Variants in PCLO observed in about 807,000 individuals in gnomAD.
PCLO encodes the protein piccolo presynaptic cytomatrix protein.
A neutral mutation model predicts 427.5 loss-of-function variants in PCLO; 82 were observed. That is an observed-to-expected ratio of 0.19 (90% CI 0.16 to 0.23). PCLO has a LOEUF of 0.23. Ranked by LOEUF, PCLO falls within the 10% of genes least tolerant of loss-of-function variation. The pLI is 1.00. For missense variants in PCLO, 6,239 were observed against 6,115.9 expected (o/e 1.02, Z -0.67); for synonymous variants, 2,357 against 2,155.4 (o/e 1.09, Z -2.59).
chr7:83,002,466 G>A (rs1787847207), intron 3 of PCLO, among the ~76,000 whole-genome samples: 2 of 151,680 alleles, frequency 1.3e-5, no homozygotes, highest in Non-Finnish European at 2.9e-5. Flanking sequence ...TGTATATTCT[G>A]TAGTTGACAA....
chr7:82,957,420 A>C, intron 4 of PCLO, among the ~76,000 whole-genome samples: 1 of 152,234 alleles, frequency 6.6e-6, no homozygotes, highest in Admixed American at 6.5e-5. Context: ...ACTAAACAAA[A>C]AAAAAGCAAA....
At chr7:82,821,829 T>C (rs1240538118) in intron 20 of PCLO, 1 of 981,748 alleles carries the variant, frequency 1.0e-6, no homozygotes, top group African/African-American at 1.7e-5. Flanking sequence ...CTTATACATA[T>C]ATTAATTTAA....
At chr7:83,047,782 C>G (rs1583954504) in intron 3 of PCLO, among the ~76,000 whole-genome samples, 1 of 152,122 alleles carries the variant, frequency 6.6e-6, no homozygotes, top group East Asian at 1.9e-4. Flanking sequence ...TAAATATTCT[C>G]AAAGTCACAT....
intron 3 of PCLO, among the ~76,000 whole-genome samples, chr7:83,130,787 T>C (rs375248630): frequency 7.9e-5 from 12 of 152,326 alleles, no homozygotes; most frequent in African/African-American, 2.6e-4. Flanking sequence ...GTTACATCAC[T>C]GGGTCTTATC....
chr7:83,124,900 G>A (rs200553490), intron 3 of PCLO, among the ~76,000 whole-genome samples: 7,451 of 152,150 alleles, frequency 0.049, 243 homozygotes, highest in East Asian at 0.077. Flanking sequence ...GATTGCAGGC[G>A]CACGCCGCCA....
chr7:83,043,923 T>TTTTTTTTTTTTTTTTC (rs1789038581), intron 3 of PCLO, among the ~76,000 whole-genome samples: 1 of 146,650 alleles, frequency 6.8e-6, no homozygotes, highest in African/African-American at 2.5e-5. Context: ...TTTTTTTTTT[T>TTTTTTTTTTTTTTTTC]TTTTTTTTTT....
intron 6 of PCLO, among the ~76,000 whole-genome samples, chr7:82,917,474 C>T (rs77685005): frequency 6.6e-6 from 1 of 151,934 alleles, no homozygotes; most frequent in South Asian, 2.1e-4. Context: ...ACCAATAAAA[C>T]TCCATTGGAA....
chr7:82,813,883 A>G (rs2115587058), intron 20 of PCLO, among the ~76,000 whole-genome samples: 1 of 151,900 alleles, frequency 6.6e-6, no homozygotes, highest in Admixed American at 6.6e-5. Flanking sequence ...GAAGCTTTCC[A>G]TTTTTCCTCA....
chr7:83,062,048 G>A (rs1789555576), intron 3 of PCLO, among the ~76,000 whole-genome samples: 1 of 152,144 alleles, frequency 6.6e-6, no homozygotes, highest in Non-Finnish European at 1.5e-5. Flanking sequence ...ATTGGTATAA[G>A]GTTAGTAGCA....
At chr7:82,857,745 C>G (rs1003456493) in intron 10 of PCLO, among the ~76,000 whole-genome samples, 1 of 152,134 alleles carries the variant, frequency 6.6e-6, no homozygotes, top group Middle Eastern at 3.4e-3. Flanking sequence ...AGAAATCTCT[C>G]AATCAAAATT....
chr7:83,141,099 A>C (rs2116636897), intron 2 of PCLO, among the ~76,000 whole-genome samples: 1 of 152,326 alleles, frequency 6.6e-6, no homozygotes, highest in East Asian at 1.9e-4. Flanking sequence ...AGGTTTCCTA[A>C]AGAACTTCCC....
chr7:82,943,199 G>A (rs903861075), intron 6 of PCLO, among the ~76,000 whole-genome samples: 3 of 152,126 alleles, frequency 2.0e-5, no homozygotes, highest in African/African-American at 7.2e-5. Flanking sequence ...GCTCATGAAT[G>A]CCATCTGCTT....
At chr7:83,107,605 A>C (rs6974904) in intron 3 of PCLO, among the ~76,000 whole-genome samples, 26 of 151,252 alleles carry the variant, frequency 1.7e-4, no homozygotes, top group Admixed American at 5.3e-4. Flanking sequence ...TGGAAGATAA[A>C]TACTTAACTA....
chr7:83,074,058 C>T (rs1025064493), intron 3 of PCLO, among the ~76,000 whole-genome samples: 2 of 151,880 alleles, frequency 1.3e-5, no homozygotes, highest in Admixed American at 1.3e-4. Context: ...AGAACCTTAT[C>T]TTTCTAGTAT....
chr7:82,832,800 T>TAC (rs10645073), intron 16 of PCLO, among the ~76,000 whole-genome samples: 7,775 of 140,580 alleles, frequency 0.055, 291 homozygotes, highest in South Asian at 0.1. Context: ...CTAAACTTAC[T>TAC]ACACACACAC....
intron 6 of PCLO, among the ~76,000 whole-genome samples, chr7:82,946,490 A>G (rs774043592): frequency 4.6e-5 from 7 of 152,212 alleles, no homozygotes; most frequent in Non-Finnish European, 8.8e-5. Context: ...TATAGTAATA[A>G]GCAGACTTCT....
At chr7:83,001,505 A>AATAC (rs1554372944) in intron 3 of PCLO, among the ~76,000 whole-genome samples, 5 of 149,050 alleles carry the variant, frequency 3.4e-5, no homozygotes, top group Non-Finnish European at 6.0e-5. Flanking sequence ...CACACATACA[A>AATAC]ACACACACAC....
intron 22 of PCLO, among the ~76,000 whole-genome samples, chr7:82,769,381 A>G (rs1790598933): frequency 6.6e-6 from 1 of 152,138 alleles, no homozygotes; most frequent in Non-Finnish European, 1.5e-5. Context: ...TTTTTGAAAT[A>G]TTCATCATTA....
At chr7:83,113,191 TGAA>T (rs1207505585) in intron 3 of PCLO, among the ~76,000 whole-genome samples, 1 of 152,190 alleles carries the variant, frequency 6.6e-6, no homozygotes, top group African/African-American at 2.4e-5. Context: ...ATTTTACAGA[TGAA>T]GAAAGCCATA....
Sources: gnomAD v4.1 joint callset for allele counts (sites outside exome capture counted in the v4.1 genomes callset) on GRCh38, gnomAD v4.1.1 for gene constraint, MANE v1.5 for transcripts, NCBI Gene and HGNC (gene_info 2026-07-23, HGNC 2026-07-21) for gene names.